The following NPY1R variants were observed in gnomAD, a reference collection of about 807,000 sequenced individuals.
NPY1R encodes the protein neuropeptide Y receptor type 1.
Under a neutral mutation model 24.1 loss-of-function variants are expected in NPY1R, and 10 were observed. That is an observed-to-expected ratio of 0.42 (90% CI 0.26 to 0.71). The LOEUF is 0.71. Ranked by LOEUF, NPY1R falls within the 30% of genes least tolerant of loss-of-function variation. NPY1R has a pLI of 0.28. For missense variants in NPY1R, 350 were observed against 458.0 expected (o/e 0.76, Z 2.15); for synonymous variants, 168 against 165.9 (o/e 1.01, Z -0.10).
chr4:163,342,987 C>G (rs550897538), intron 1 of NPY1R, among the ~76,000 whole-genome samples: 380 of 13,784 alleles, frequency 0.028, 1 homozygote, highest in African/African-American at 0.046. Context: ...CACAGACACA[C>G]ACACACACAC....
At chr4:163,343,412 C>T (rs1735060389) in intron 1 of NPY1R, among the ~76,000 whole-genome samples, 1 of 152,074 alleles carries the variant, frequency 6.6e-6, no homozygotes, top group Non-Finnish European at 1.5e-5. Flanking sequence ...CCCACCTCCA[C>T]TCTTCCTTAC....
At chr4:163,330,219 C>T (rs1734696967) in intron 1 of NPY1R, among the ~76,000 whole-genome samples, 1 of 152,158 alleles carries the variant, frequency 6.6e-6, no homozygotes, top group African/African-American at 2.4e-5. Context: ...TTGCAAAGTA[C>T]AGGCTACAAA....
chr4:163,334,691 C>T (rs994924100), upstream of NPY1R, among the ~76,000 whole-genome samples: 1 of 151,952 alleles, frequency 6.6e-6, no homozygotes, highest in Admixed American at 6.6e-5. Flanking sequence ...GAAACCCCGT[C>T]TCTACTAAAA....
chr4:163,339,805 C>T (rs1174197473), intron 1 of NPY1R, among the ~76,000 whole-genome samples: 1 of 152,138 alleles, frequency 6.6e-6, no homozygotes, highest in Non-Finnish European at 1.5e-5. Flanking sequence ...TCTGCCTCCT[C>T]TATTAGGTAT....
rs771049472 is a variant in NPY1R, at chr4:163,326,060, A to G, written c.495T>C (p.Leu165=). ...GGAAAGGCAAAGAAGAAGCCACAGC[A>G]AGGACCCAAATCACAGCAATACCTA... ...AYVGIAVIWV[L]AVASSLPFLI... Residue 165 remains leucine, a synonymous_variant, in exon 2 of 3, where the codon CTT becomes CTC. Coordinates refer to ENST00000296533, the MANE Select transcript of NPY1R (RefSeq NM_000909.6). The G allele has an allele frequency of 7.4e-6, 12 of 1,614,018 alleles. No individual in the cohort carries two copies. Among genetic ancestry groups the G allele is most frequent in the Non-Finnish European group, 1.0e-5 (12 of 1,179,978 alleles).
rs1734575384 is a variant in NPY1R, at chr4:163,325,220, G to T, written c.*83C>A. On this transcript the variant is annotated 3_prime_UTR_variant, in exon 3 of 3. Transcript: ENST00000296533. ...TCAAATGATTTCAACCCCATTCCTT[G>T]GGAGAACAGGTAATCAAAGTATGTT... 1.0e-6 allele frequency: 1 copy of T among 961,362 alleles called. No homozygotes were observed. 59.6% of individuals were successfully genotyped at this position (961,362 alleles called of 1,614,324 possible). A position where few individuals can be genotyped will look rare whatever the true frequency, so the allele number is the denominator to read the frequency against.
At chr4:163,343,612 T>C (rs1735069430) in intron 1 of NPY1R, among the ~76,000 whole-genome samples, 1 of 152,068 alleles carries the variant, frequency 6.6e-6, no homozygotes, top group Admixed American at 6.5e-5. Flanking sequence ...CAGAGTTCAC[T>C]ACACAGGGTT....
At chr4:163,327,678 A>G (rs1329676527) in intron 1 of NPY1R, among the ~76,000 whole-genome samples, 2 of 152,204 alleles carry the variant, frequency 1.3e-5, no homozygotes, top group Non-Finnish European at 2.9e-5. Context: ...CCACCAGACT[A>G]TATGTGTGCC....
chr4:163,328,298 C>T (rs1379594944), intron 1 of NPY1R, among the ~76,000 whole-genome samples: 3 of 152,152 alleles, frequency 2.0e-5, no homozygotes, highest in African/African-American at 7.2e-5. Flanking sequence ...CACACTTTGT[C>T]TCTCAAGAAT....
Position 163,326,162 on chromosome 4 carries a change from C to CAG in NPY1R, c.391_392dup (p.Val132TrpfsTer11). On this transcript the variant is annotated frameshift_variant, in exon 2 of 3. Coordinates refer to ENST00000296533, the MANE Select transcript of NPY1R (RefSeq NM_000909.6). LOFTEE classifies it high-confidence loss of function. ...GATGTCGTTCCACAGCAATGAGAAC[C>CAG]AGAGAGAAAATGGACACAGTGATTG... 1 of 1,614,086 alleles carries CAG rather than the reference C, an allele frequency of 6.2e-7. No homozygotes were observed. The highest frequency in any genetic ancestry group is 8.5e-7 in the Non-Finnish European group (1 of 1,179,990).
Position 163,325,342 on chromosome 4 carries a change from A to G in NPY1R, c.1116T>C (p.Phe372=). The change falls in exon 3 of 3, where the codon TTT becomes TTC. Residue 372 remains phenylalanine (F), a synonymous_variant. Transcript: ENST00000296533. ...TATCATCATTGTTGTTGATTTTTTTAAATGCGACTGGGCTTGCTTGCTTCA... is the reference window on the plus strand; with the variant it reads ...TATCATCATTGTTGTTGATTTTTTTGAATGCGACTGGGCTTGCTTGCTTCA... ...TSLKQASPVA[F]KKINNNDDNE... 6.2e-7 allele frequency: 1 copy of G among 1,610,632 alleles called. No homozygotes were observed. The highest frequency in any genetic ancestry group is 1.1e-5 in the South Asian group (1 of 90,340).
At chr4:163,342,134 C>G (rs4475104) in intron 1 of NPY1R, among the ~76,000 whole-genome samples, 28,477 of 151,990 alleles carry the variant, frequency 0.19, 3,441 homozygotes, top group African/African-American at 0.32. Flanking sequence ...TGGCAGGTAG[C>G]CTTTTATTTT....
At chr4:163,344,210 G>A (rs987689473) in intron 1 of NPY1R, 2 of 152,788 alleles carry the variant, frequency 1.3e-5, no homozygotes, top group Non-Finnish European at 1.5e-5. Flanking sequence ...GATTAGGGTG[G>A]CGGAACAGGC....
At chr4:163,342,370 GA>G (rs1321064406) in intron 1 of NPY1R, among the ~76,000 whole-genome samples, 1 of 152,178 alleles carries the variant, frequency 6.6e-6, no homozygotes, top group Non-Finnish European at 1.5e-5. Context: ...TGGAAAGATA[GA>G]AATTTATGTG....
At chr4:163,331,932 G>A (rs958393269) in intron 1 of NPY1R, among the ~76,000 whole-genome samples, 2 of 152,174 alleles carry the variant, frequency 1.3e-5, no homozygotes, top group Non-Finnish European at 2.9e-5. Context: ...TGCGCGCTGG[G>A]GTCCGCGCCG....
chr4:163,324,694 T>C lies in NPY1R; in HGVS notation c.*609A>G, dbSNP rs1734563829. On this transcript the variant is annotated 3_prime_UTR_variant, in exon 3 of 3. Coordinates refer to ENST00000296533, the MANE Select transcript of NPY1R (RefSeq NM_000909.6). ...CTTTTTATTCATTTTTAAATTTTCATTTAAGTGACAATCAGTTGGGAGCAA... is the reference window on the plus strand; with the variant it reads ...CTTTTTATTCATTTTTAAATTTTCACTTAAGTGACAATCAGTTGGGAGCAA... 1.3e-5 allele frequency: 2 copies of C among 151,450 alleles called. No homozygotes were observed. Among genetic ancestry groups the C allele is most frequent in the South Asian group, 4.1e-4 (2 of 4,822 alleles). 9.4% of individuals were successfully genotyped at this position (151,450 alleles called of 1,614,324 possible). A position where few individuals can be genotyped will look rare whatever the true frequency, so the allele number is the denominator to read the frequency against.
intron 1 of NPY1R, among the ~76,000 whole-genome samples, chr4:163,343,493 C>G (rs900290648): frequency 1.3e-5 from 2 of 151,824 alleles, no homozygotes; most frequent in East Asian, 1.9e-4. Context: ...CACACCACCC[C>G]CCACCGTCCC....
intron 1 of NPY1R, among the ~76,000 whole-genome samples, chr4:163,328,883 G>A (rs1734666902): frequency 6.6e-6 from 1 of 152,130 alleles, no homozygotes. Flanking sequence ...CTTTGAGGTA[G>A]GCATTGTGCA....
chr4:163,340,819 A>G (rs752260757), intron 1 of NPY1R, among the ~76,000 whole-genome samples: 27 of 152,098 alleles, frequency 1.8e-4, no homozygotes, highest in Admixed American at 9.2e-4. Flanking sequence ...CATCTGTATC[A>G]TATCTATGTG....
Sources: gnomAD v4.1 joint callset for allele counts (sites outside exome capture counted in the v4.1 genomes callset) on GRCh38, gnomAD v4.1.1 for gene constraint, MANE v1.5 for transcripts, NCBI Gene and HGNC (gene_info 2026-07-23, HGNC 2026-07-21) for gene names.